NR6A1: variants seen among roughly 807,000 people sequenced by gnomAD.
The protein encoded by NR6A1 is retinoic acid receptor-related testis-associated receptor.
NR6A1 carries 7 observed loss-of-function variants against 59.1 expected under a neutral mutation model. The observed-to-expected ratio is 0.12, with a 90% confidence interval of 0.07 to 0.22. NR6A1 has a LOEUF of 0.22. Among genes scored for constraint, NR6A1 ranks in the 10% least tolerant of loss-of-function variants. NR6A1 has a pLI of 1.00. For synonymous variants in NR6A1, 243 were observed against 236.1 expected (o/e 1.03, Z -0.27); for missense variants, 468 against 611.6 (o/e 0.77, Z 2.48).
chr9:124,537,251 A>C (rs1032166217), intron 6 of NR6A1, among the ~76,000 whole-genome samples: 8 of 152,000 alleles, frequency 5.3e-5, no homozygotes, highest in Admixed American at 4.6e-4. Context: ...CACCACACCC[A>C]GCTAATTTTT....
intron 2 of NR6A1, among the ~76,000 whole-genome samples, chr9:124,725,011 T>C (rs1213989883): frequency 6.6e-6 from 1 of 152,212 alleles, no homozygotes; most frequent in Non-Finnish European, 1.5e-5. Context: ...ATTTCTCCTG[T>C]TTTAAGCAAC....
chr9:124,657,968 A>G (rs1040463671), intron 2 of NR6A1, among the ~76,000 whole-genome samples: 1 of 152,190 alleles, frequency 6.6e-6, no homozygotes, highest in Non-Finnish European at 1.5e-5. Flanking sequence ...TCAAACCTAT[A>G]AAATCAAGAC....
chr9:124,574,168 C>T (rs897010022), intron 2 of NR6A1, among the ~76,000 whole-genome samples: 1 of 152,134 alleles, frequency 6.6e-6, no homozygotes, highest in Non-Finnish European at 1.5e-5. Flanking sequence ...CTCTTATATC[C>T]TAAGACTTAG....
At chr9:124,705,472 ACTGT>A (rs534409584) in intron 2 of NR6A1, among the ~76,000 whole-genome samples, 108 of 152,202 alleles carry the variant, frequency 7.1e-4, no homozygotes, top group African/African-American at 2.3e-3. Context: ...TCTTGCTTAA[ACTGT>A]CTGACATTAA....
At chr9:124,621,794 A>G (rs1836084916) in intron 2 of NR6A1, among the ~76,000 whole-genome samples, 1 of 152,232 alleles carries the variant, frequency 6.6e-6, no homozygotes, top group Non-Finnish European at 1.5e-5. Context: ...GAGAAATGAC[A>G]AGAGATAAAA....
intron 1 of NR6A1, among the ~76,000 whole-genome samples, chr9:124,739,214 G>C (rs1043663739): frequency 3.3e-5 from 5 of 151,464 alleles, no homozygotes; most frequent in African/African-American, 7.3e-5. Flanking sequence ...TGGGGGCGGC[G>C]AGGGTATGGG....
At chr9:124,569,061 C>G (rs1257593064) in intron 2 of NR6A1, among the ~76,000 whole-genome samples, 4 of 151,906 alleles carry the variant, frequency 2.6e-5, no homozygotes, top group African/African-American at 9.7e-5. Context: ...TGCAGTGAGC[C>G]AAGATCACGC....
At chr9:124,678,568 TACAA>T (rs1277893944) in intron 2 of NR6A1, among the ~76,000 whole-genome samples, 2 of 152,044 alleles carry the variant, frequency 1.3e-5, no homozygotes, top group African/African-American at 2.4e-5. Flanking sequence ...ACTAAGATAA[TACAA>T]AGAAAGGCTG....
At position 124,725,306 on chromosome 9, in the gene NR6A1, G is replaced by A. The variant is rs867325086; in HGVS notation, c.142+8002C>T. 3.3e-5 allele frequency among the ~76,000 whole-genome samples: 5 copies of A among 152,076 alleles called. 1 individual carries two copies. The South Asian group carries it at 1.0e-3, about 32-fold the overall frequency. On this transcript the variant is annotated intron_variant, in intron 2 of 9. Transcript: ENST00000487099. The stretch of plus-strand genomic sequence containing the variant: ...ATAACATTGGACTCCAGGAAGTCCA[G>A]GAATCATAGGAAGGCAGCCAGAGTG...
rs563223836 is a variant in NR6A1 at position 124,529,522 on chromosome 9, A to T, written c.1080-2622T>A. On this transcript the variant is annotated intron_variant, in intron 7 of 9. Coordinates refer to ENST00000487099, the MANE Select transcript of NR6A1 (RefSeq NM_033334.4). ...CTACCCCAAGGTTGCACGGGAAGTA[A>T]ATGGTAGTGGTGGTGAGGCCAATGT... Among the ~76,000 whole-genome samples the T allele has an allele frequency of 1.8e-4, 28 of 152,320 alleles. No individual in the cohort carries two copies. In the East Asian group the frequency reaches 4.4e-3, roughly 24 times the overall value.
Position 124,661,650 on chromosome 9 carries a change from T to G in NR6A1, c.142+71658A>C, listed in dbSNP as rs572824492. Among the ~76,000 whole-genome samples, 158 of 152,346 alleles carry G rather than the reference T, an allele frequency of 1.0e-3. 1 individual carries two copies. Among genetic ancestry groups the G allele is most frequent in the African/African-American group, 3.7e-3 (154 of 41,572 alleles). On this transcript the variant is annotated intron_variant, in intron 2 of 9. Transcript: ENST00000487099. ...GATTTAATGGTGCTGGTAAACATAA[T>G]AGCAACCTTTAAGCTACCAACAATT... is the stretch of plus-strand genomic sequence containing the variant.
chr9:124,678,895 G>A (rs991801652), intron 2 of NR6A1, among the ~76,000 whole-genome samples: 1 of 152,098 alleles, frequency 6.6e-6, no homozygotes, highest in East Asian at 1.9e-4. Context: ...CTTTCTAGAA[G>A]CAAAAAAGTT....
chr9:124,564,155 T>C (rs1050843345), intron 2 of NR6A1, among the ~76,000 whole-genome samples: 2 of 152,160 alleles, frequency 1.3e-5, no homozygotes, highest in Admixed American at 6.5e-5. Flanking sequence ...TTTAAAAAAG[T>C]CTTTGATATA....
intron 2 of NR6A1, among the ~76,000 whole-genome samples, chr9:124,573,499 A>T (rs1384600527): frequency 6.6e-6 from 1 of 152,204 alleles, no homozygotes; most frequent in African/African-American, 2.4e-5. Context: ...CTTTCACAGA[A>T]GACAACAACA....
chr9:124,707,429 T>C (rs562547117), intron 2 of NR6A1, among the ~76,000 whole-genome samples: 196 of 152,288 alleles, frequency 1.3e-3, no homozygotes, highest in African/African-American at 4.7e-3. Context: ...TGTCCCTTTA[T>C]TTCTCTGGAA....
intron 2 of NR6A1, chr9:124,598,848 C>A: frequency 1.4e-6 from 1 of 735,350 alleles, no homozygotes; most frequent in Non-Finnish European, 2.5e-6. Flanking sequence ...TTACTGCATT[C>A]TTCAAACTTT....
At chr9:124,630,666 A>ATTTTTT (rs1836406674) in intron 2 of NR6A1, among the ~76,000 whole-genome samples, 1 of 81,820 alleles carries the variant, frequency 1.2e-5, no homozygotes, top group African/African-American at 5.9e-5. Context: ...AAGTTACTAC[A>ATTTTTT]TTTCTTTTTT....
chr9:124,701,527 T>C (rs1278030138), intron 2 of NR6A1, among the ~76,000 whole-genome samples: 2 of 152,204 alleles, frequency 1.3e-5, no homozygotes, highest in African/African-American at 2.4e-5. Flanking sequence ...ACAAGAACTC[T>C]GTACCCATTA....
intron 2 of NR6A1, among the ~76,000 whole-genome samples, chr9:124,701,713 A>G (rs1327036612): frequency 3.3e-5 from 5 of 151,560 alleles, no homozygotes; most frequent in Admixed American, 3.3e-4. Flanking sequence ...TTTAGATGCA[A>G]CTCCTTTATC....
Sources: gnomAD v4.1 joint callset for allele counts (sites outside exome capture counted in the v4.1 genomes callset) on GRCh38, gnomAD v4.1.1 for gene constraint, MANE v1.5 for transcripts, NCBI Gene and HGNC (gene_info 2026-07-23, HGNC 2026-07-21) for gene names.